MAP3K8: variants seen among roughly 807,000 people sequenced by gnomAD.
The protein encoded by MAP3K8 is Ewing sarcoma transformant.
A neutral mutation model predicts 45.8 loss-of-function variants in MAP3K8; 22 were observed. The observed-to-expected ratio is 0.48, with a 90% confidence interval of 0.34 to 0.69. The LOEUF (loss-of-function observed/expected upper bound fraction) is 0.69, where lower values mean the gene tolerates loss of function less well. MAP3K8 is among the 30% of genes least tolerant of loss of function. The pLI, the probability that MAP3K8 is intolerant of heterozygous loss-of-function variation, is 0.01. For missense variants in MAP3K8, 419 were observed against 585.0 expected, an observed-to-expected ratio of 0.72 and a Z score of 2.93; for synonymous variants, 223 against 214.3, an observed-to-expected ratio of 1.04 and a Z score of -0.36.
At position 30,434,373 on chromosome 10, in the gene MAP3K8, C is replaced by A; in HGVS notation, c.-260C>A. 2 of 867,422 alleles carry A rather than the reference C, an allele frequency of 2.3e-6. No individual in the cohort carries two copies. Among genetic ancestry groups the A allele is most frequent in the Non-Finnish European group, 2.8e-6 (2 of 722,114 alleles). The allele number at this position is 867,422 out of a possible 1,614,324, so 53.7% of individuals were successfully genotyped here. A position where few individuals can be genotyped will look rare whatever the true frequency, so the allele number is the denominator to read the frequency against. ...CTCGGCCGGCGTGGGAGCGCCAAGGCCGCAGGTAATCCAGGGTTGGGGGTC... is the reference window on the plus strand; with the variant it reads ...CTCGGCCGGCGTGGGAGCGCCAAGGACGCAGGTAATCCAGGGTTGGGGGTC... On this transcript the variant is annotated 5_prime_UTR_variant, in exon 1 of 9. Transcript: ENST00000263056.
At chr10:30,454,473 T>C (rs1192660934) in intron 6 of MAP3K8, among the ~76,000 whole-genome samples, 9 of 151,336 alleles carry the variant, frequency 5.9e-5, no homozygotes, top group Non-Finnish European at 1.3e-4. Flanking sequence ...GAGACTGAGG[T>C]GGGAGGATTG....
intron 3 of MAP3K8, among the ~76,000 whole-genome samples, chr10:30,446,913 T>G (rs533868411): frequency 6.6e-6 from 1 of 152,250 alleles, no homozygotes; most frequent in Non-Finnish European, 1.5e-5. Flanking sequence ...AAATTTATAT[T>G]GTGTTTTTAT....
At chr10:30,450,138 C>T in intron 4 of MAP3K8, 120 bp from the exon 5 acceptor site, 1 of 861,046 alleles carries the variant, frequency 1.2e-6, no homozygotes, top group Non-Finnish European at 1.7e-6. Flanking sequence ...CATTTTCACA[C>T]AGGGCAGAGT....
chr10:30,450,779 G>A (rs1252183419), intron 5 of MAP3K8: 2 of 406,784 alleles, frequency 4.9e-6, no homozygotes, highest in Admixed American at 8.0e-5. Context: ...CTGTTAAAAA[G>A]GCTTTTAAAA....
chr10:30,452,679 G>GTGTTTT lies in MAP3K8; in HGVS notation c.873+950_873+955dup, dbSNP rs368784479. Among the ~76,000 whole-genome samples the GTGTTTT allele has an allele frequency of 4.0e-3, 613 of 151,858 alleles. 6 individuals carry two copies. The highest frequency in any genetic ancestry group is 0.013 in the African/African-American group (539 of 41,412). ...TATCCACAGTTCGGCTTTATTTTGT[G>GTGTTTT]TGTTTTTGTTTTTGTTTTTGAGACA... is the stretch of plus-strand genomic sequence containing the variant. On this transcript the variant is annotated intron_variant, in intron 6 of 8. Transcript: ENST00000263056.
At chr10:30,450,828 T>G (rs1836512191) in intron 5 of MAP3K8, among the ~76,000 whole-genome samples, 2 of 151,902 alleles carry the variant, frequency 1.3e-5, no homozygotes, top group African/African-American at 4.8e-5. Flanking sequence ...ACGCCTGTAA[T>G]CTCAGCACTT....
Position 30,437,214 on chromosome 10 carries a change from T to C in MAP3K8, c.-216T>C, listed in dbSNP as rs568829641. ...ACCGCGAAGAAGCCAGGGGAATAGG[T>C]AGCCACATCTTGTTTGCAGATAAGA... On this transcript the variant is annotated 5_prime_UTR_variant, in exon 2 of 9. Coordinates refer to ENST00000263056, the MANE Select transcript of MAP3K8 (RefSeq NM_005204.4). 5 of 985,308 alleles carry C rather than the reference T, an allele frequency of 5.1e-6. No individual in the cohort carries two copies. In the African/African-American group the frequency reaches 5.2e-5, roughly 10 times the overall value. The allele number at this position is 985,308 out of a possible 1,614,324, so 61.0% of individuals were successfully genotyped here.
intron 3 of MAP3K8, among the ~76,000 whole-genome samples, chr10:30,445,234 T>C (rs1262921010): frequency 1.3e-5 from 2 of 151,958 alleles, no homozygotes; most frequent in African/African-American, 2.4e-5. Context: ...CCATTTCTAC[T>C]AAAAATACAA....
In MAP3K8 at chr10:30,439,118, T is replaced by A; in HGVS notation, c.180T>A (p.Ser60=). The A allele has an allele frequency of 2.5e-6, 4 of 1,614,252 alleles. No homozygotes were observed. Among genetic ancestry groups the A allele is most frequent in the Non-Finnish European group, 3.4e-6 (4 of 1,180,040 alleles). The change falls in exon 3 of 9, where the codon TCT becomes TCA. Residue 60 remains serine, a synonymous_variant. Coordinates refer to ENST00000263056, the MANE Select transcript of MAP3K8 (RefSeq NM_005204.4). ...ACAGTAATCAAAACGATGAGCGTTC[T>A]AAGTCTCTGCTGCTTAGTGGCCAAG... is the stretch of plus-strand genomic sequence containing the variant. ...CQDSNQNDER[S]KSLLLSGQEV... is the part of the protein sequence containing the mutation.
intron 7 of MAP3K8, 80 bp downstream of exon 7, chr10:30,458,316 T>A: frequency 9.9e-7 from 1 of 1,008,362 alleles, no homozygotes. Flanking sequence ...GAGGGACTGC[T>A]CTGCCTTCTA....
At chr10:30,449,023 A>G (rs1434382411) in intron 4 of MAP3K8, among the ~76,000 whole-genome samples, 2 of 152,258 alleles carry the variant, frequency 1.3e-5, no homozygotes, top group African/African-American at 4.8e-5. Flanking sequence ...ATTTACAACT[A>G]TAATAATGTG....
rs1307475277 is a variant in MAP3K8, at chr10:30,450,239, T to G, written c.505-19T>G. 6.4e-7 allele frequency: 1 copy of G among 1,563,658 alleles called. No homozygotes were observed. The highest frequency in any genetic ancestry group is 8.7e-7 in the Non-Finnish European group (1 of 1,155,046). On this transcript the variant is annotated intron_variant, in intron 4 of 8. Transcript: ENST00000263056. ...ACTTTGGGGTTATTTAGAATCTCGC[T>G]TGTATTTTTGTGTTCTAGATCCCAG...
Position 30,438,944 on chromosome 10 carries a change from G to A in MAP3K8, c.6G>A (p.Glu2=). 6.2e-7 allele frequency: 1 copy of A among 1,604,260 alleles called. No individual in the cohort carries two copies. Among genetic ancestry groups the A allele is most frequent in the Non-Finnish European group, 8.5e-7 (1 of 1,172,606 alleles). The change falls in exon 3 of 9, where the codon GAG becomes GAA. Residue 2 remains glutamate, a synonymous_variant. Coordinates refer to ENST00000263056, the MANE Select transcript of MAP3K8 (RefSeq NM_005204.4). ...CTCCAGAAAGAGCAACAGTAATGGA[G>A]TACATGAGCACTGGAAGTGACAATA... The part of the protein sequence containing the change: M[E]YMSTGSDNKE...
intron 4 of MAP3K8, among the ~76,000 whole-genome samples, chr10:30,449,858 C>T (rs1281349258): frequency 6.6e-6 from 1 of 152,074 alleles, no homozygotes; most frequent in Non-Finnish European, 1.5e-5. Flanking sequence ...ACTGTGGCAA[C>T]AAACACTTCA....
chr10:30,434,938 T>C (rs979601925), intron 1 of MAP3K8, among the ~76,000 whole-genome samples: 2 of 152,214 alleles, frequency 1.3e-5, no homozygotes, highest in African/African-American at 2.4e-5. Context: ...CTCTATCCCA[T>C]GACTAAAGAG....
rs76159945 is a variant in MAP3K8 at position 30,444,482 on chromosome 10, T to A, written c.337-3300T>A. 3.6e-3 allele frequency among the ~76,000 whole-genome samples: 549 copies of A among 152,008 alleles called. 7 individuals are homozygous for A. The highest frequency in any genetic ancestry group is 0.03 in the East Asian group (155 of 5,180). On this transcript the variant is annotated intron_variant, in intron 3 of 8. Transcript: ENST00000263056. Reference sequence around the variant, plus strand: ...CCATCACAATAAAATAAAATAAAATTAAATTAAATTAAATACAGGGGATCT... The same window carrying A: ...CCATCACAATAAAATAAAATAAAATAAAATTAAATTAAATACAGGGGATCT...
At chr10:30,459,182 G>A in intron 7 of MAP3K8, 73 bp from the exon 8 acceptor site, 2 of 1,548,910 alleles carry the variant, frequency 1.3e-6, no homozygotes, top group Non-Finnish European at 1.8e-6. Flanking sequence ...TCTAGGTCCT[G>A]GTACTAGCAT....
At chr10:30,440,136 C>G (rs1465018393) in intron 3 of MAP3K8, among the ~76,000 whole-genome samples, 1 of 152,202 alleles carries the variant, frequency 6.6e-6, no homozygotes, top group East Asian at 1.9e-4. Flanking sequence ...ATTGTGGCAA[C>G]ATTTTGTTGC....
At position 30,459,492 on chromosome 10, in the gene MAP3K8, A is replaced by C; in HGVS notation, c.1264A>C (p.Asn422His). Residue 422 changes from asparagine to histidine, a missense_variant, in exon 8 of 9, where the codon AAC (asparagine) becomes CAC (histidine). This residue lies in a region of MAP3K8 where 108 missense variants were observed against 124.2 expected (regional missense o/e 0.87). Coordinates refer to ENST00000263056, the MANE Select transcript of MAP3K8 (RefSeq NM_005204.4). ...LSRKELELPE[N>H]IADSSCTGST... Reference sequence around the variant, plus strand: ...TAGGAAGGAGCTGGAACTTCCTGAGAACATTGCTGGTAGGGACACCCTGCT... The same window carrying C: ...TAGGAAGGAGCTGGAACTTCCTGAGCACATTGCTGGTAGGGACACCCTGCT... 1 of 1,613,672 alleles carries C rather than the reference A, an allele frequency of 6.2e-7. No individual in the cohort carries two copies. Among genetic ancestry groups the C allele is most frequent in the African/African-American group, 1.3e-5 (1 of 74,992 alleles).
Sources: gnomAD v4.1 joint callset for allele counts (sites outside exome capture counted in the v4.1 genomes callset) on GRCh38, gnomAD v4.1.1 for gene constraint, gnomAD v4.1.1 regional missense constraint, MANE v1.5 for transcripts, NCBI Gene and HGNC (gene_info 2026-07-23, HGNC 2026-07-21) for gene names.